PCDHGA5: variants seen among roughly 807,000 people sequenced by gnomAD.
The protein encoded by PCDHGA5 is protocadherin gamma-A5.
In PCDHGA5, 36 loss-of-function variants were observed where a neutral mutation model predicts 56.7. That is an observed-to-expected ratio of 0.64 (90% CI 0.49 to 0.84). PCDHGA5 has a LOEUF of 0.84. Among genes scored for constraint, PCDHGA5 ranks in the 40% least tolerant of loss-of-function variants. The pLI is 0.00. For synonymous variants in PCDHGA5, 563 were observed against 520.2 expected, an observed-to-expected ratio of 1.08 and a Z score of -1.12; for missense variants, 1,305 against 1,201.5, an observed-to-expected ratio of 1.09 and a Z score of -1.27.
rs1194909537 is a variant in PCDHGA5 at position 141,511,022 on chromosome 5, T to C, written c.2645T>C (p.Phe882Ser). 1 of 1,614,176 alleles carries C rather than the reference T, an allele frequency of 6.2e-7. No individual in the cohort carries two copies. The highest frequency in any genetic ancestry group is 8.5e-7 in the Non-Finnish European group (1 of 1,180,020). ...MGLSARYGPQ[F>S]TLQHVPDYRQ... ...TTGAGCGCCCGCTACGGACCCCAGT[T>C]CACCCTGCAGCACGTGCCCGACTAC... The change falls in exon 4 of 4, where the codon TTC becomes TCC. Residue 882 changes from phenylalanine (F) to serine (S), a missense_variant. Transcript: ENST00000518069.
chr5:141,374,275 C>A (rs3749775), intron 1 of PCDHGA5: 85,315 of 1,613,944 alleles, frequency 0.053, 2,491 homozygotes, highest in African/African-American at 0.097. Flanking sequence ...AGCACGGAGT[C>A]CGCATCGTCT....
At chr5:141,376,183 C>G (rs1772387950) in intron 1 of PCDHGA5, 1 of 1,614,148 alleles carries the variant, frequency 6.2e-7, no homozygotes, top group Admixed American at 1.7e-5. Context: ...TGGCCGCGGT[C>G]TCCTGCGTCT....
chr5:141,421,512 G>T, intron 1 of PCDHGA5: 2 of 1,614,094 alleles, frequency 1.2e-6, no homozygotes, highest in Non-Finnish European at 1.7e-6. Context: ...ACCGGGAGGA[G>T]CTCTGTGAGA....
intron 1 of PCDHGA5, chr5:141,403,791 A>T: frequency 6.2e-7 from 1 of 1,613,900 alleles, no homozygotes. Context: ...GTGGCATACA[A>T]ATTCTGGAAA....
At chr5:141,510,845 C>T (rs2099883036) in intron 3 of PCDHGA5, 102 bp from the exon 4 acceptor site, 3 of 1,593,960 alleles carry the variant, frequency 1.9e-6, no homozygotes, top group Non-Finnish European at 2.6e-6. Context: ...TGGTCAAGGC[C>T]CAGGGTGCTG....
intron 1 of PCDHGA5, chr5:141,395,210 A>G (rs200048432): frequency 1.2e-6 from 2 of 1,613,418 alleles, no homozygotes; most frequent in East Asian, 2.2e-5. Context: ...ATTTTCATGA[A>G]TATAAGAATG....
intron 1 of PCDHGA5, chr5:141,419,315 C>G (rs2096357855): frequency 1.2e-6 from 2 of 1,613,998 alleles, no homozygotes; most frequent in Non-Finnish European, 1.7e-6. Flanking sequence ...GCTCAACGGC[C>G]GTGTCTCCTA....
At chr5:141,397,843 C>A (rs1200465582) in intron 1 of PCDHGA5, 7 of 522,606 alleles carry the variant, frequency 1.3e-5, no homozygotes, top group Non-Finnish European at 2.0e-5. Context: ...CTTGAAGCCG[C>A]AGAGGCTGTA....
At chr5:141,498,967 GGGAGGGAA>G (rs1395523211) in intron 2 of PCDHGA5, among the ~76,000 whole-genome samples, 34 of 129,670 alleles carry the variant, frequency 2.6e-4, no homozygotes, top group Admixed American at 1.5e-3. Flanking sequence ...GAGGGAGGGA[GGGAGGGAA>G]GGAAGGAAGG....
At chr5:141,405,505 C>T (rs573282216) in intron 1 of PCDHGA5, 22 of 751,126 alleles carry the variant, frequency 2.9e-5, no homozygotes, top group Admixed American at 1.7e-4. Flanking sequence ...TTGCAACCTC[C>T]GCCTCCCAAA....
chr5:141,366,607 C>A lies in PCDHGA5; in HGVS notation c.2277C>A (p.Leu759=). 1 of 1,614,268 alleles carries A rather than the reference C, an allele frequency of 6.2e-7. No individual in the cohort carries two copies. The highest frequency in any genetic ancestry group is 8.5e-7 in the Non-Finnish European group (1 of 1,180,054). ...FLQTYSHEVS[L]TADSRKSHLI... Reference sequence around the variant, plus strand: ...AGACCTATTCCCACGAGGTCTCCCTCACCGCGGACTCGAGGAAGAGTCACC... The same window carrying A: ...AGACCTATTCCCACGAGGTCTCCCTAACCGCGGACTCGAGGAAGAGTCACC... The change falls in exon 1 of 4, where the codon CTC becomes CTA. Residue 759 remains leucine (L), a synonymous_variant. Coordinates refer to ENST00000518069, the MANE Select transcript of PCDHGA5 (RefSeq NM_018918.3).
chr5:141,443,223 A>G (rs2098374731), intron 1 of PCDHGA5, among the ~76,000 whole-genome samples: 1 of 152,044 alleles, frequency 6.6e-6, no homozygotes, highest in African/African-American at 2.4e-5. Flanking sequence ...AGGCGCATCT[A>G]TAATCTTAGC....
At chr5:141,409,011 A>T in intron 1 of PCDHGA5, 1 of 1,613,974 alleles carries the variant, frequency 6.2e-7, no homozygotes, top group Non-Finnish European at 8.5e-7. Context: ...ACTGACCAGG[A>T]TGAGGGGGTC....
intron 1 of PCDHGA5, chr5:141,387,841 C>T: frequency 2.5e-6 from 4 of 1,597,678 alleles, no homozygotes; most frequent in Non-Finnish European, 3.4e-6. Flanking sequence ...TATTTGTAAC[C>T]CGGCGTCTCC....
At chr5:141,402,799 C>G in intron 1 of PCDHGA5, 1 of 1,061,846 alleles carries the variant, frequency 9.4e-7, no homozygotes, top group Non-Finnish European at 1.3e-6. Flanking sequence ...TACACAAAAC[C>G]CGGCAGATAC....
chr5:141,407,924 C>T, intron 1 of PCDHGA5: 2 of 482,212 alleles, frequency 4.1e-6, no homozygotes, highest in Non-Finnish European at 3.6e-6. Flanking sequence ...CTGTCCCGCA[C>T]GGAGCCTCTG....
At chr5:141,403,864 A>C in intron 1 of PCDHGA5, 1 of 1,613,794 alleles carries the variant, frequency 6.2e-7, no homozygotes, top group Non-Finnish European at 8.5e-7. Flanking sequence ...TATCAACAGC[A>C]AAAAGTCTAG....
Position 141,383,402 on chromosome 5 carries a change from A to T in PCDHGA5, c.2421+16651A>T, listed in dbSNP as rs757890929. 4.3e-6 allele frequency: 7 copies of T among 1,614,034 alleles called. No individual in the cohort carries two copies. In the Admixed American group the frequency reaches 8.3e-5, roughly 19 times the overall value. The stretch of plus-strand genomic sequence containing the variant: ...CCAGATGTGGGCACGAACTCCCTCC[A>T]GAGTTACCAGCTCAGCCCCAATCGC... On this transcript the variant is annotated intron_variant, in intron 1 of 3. Transcript: ENST00000518069.
intron 1 of PCDHGA5, among the ~76,000 whole-genome samples, chr5:141,456,911 C>T (rs1262649726): frequency 2.0e-5 from 3 of 151,928 alleles, no homozygotes; most frequent in Non-Finnish European, 4.4e-5. Flanking sequence ...TGCAGTGAGC[C>T]GAGATCGCAC....
Sources: allele counts gnomAD v4.1 joint callset (sites outside exome capture counted in the v4.1 genomes callset), GRCh38; gene constraint gnomAD v4.1.1; transcripts MANE v1.5; gene names NCBI Gene and HGNC (gene_info 2026-07-23, HGNC 2026-07-21).